GULP1: variants seen among roughly 807,000 people sequenced by gnomAD.
GULP1 encodes PTB domain-containing engulfment adapter protein 1.
A neutral mutation model predicts 40.9 loss-of-function variants in GULP1; 19 were observed. The ratio of observed to expected loss-of-function variants is 0.46; its 90% CI spans 0.32 to 0.68. The LOEUF (loss-of-function observed/expected upper bound fraction) is 0.68. GULP1 is among the 30% of genes least tolerant of loss of function. The probability of loss-of-function intolerance (pLI) is 0.03; values close to 1 mark genes in which losing one functional copy is unlikely to be tolerated. For missense variants in GULP1, 312 were observed against 362.2 expected (o/e 0.86, Z 1.12); for synonymous variants, 119 against 117.6 (o/e 1.01, Z -0.08).
Position 188,443,744 on chromosome 2 carries a change from T to C in GULP1, c.-44-33915T>C, listed in dbSNP as rs1400300107. Among the ~76,000 whole-genome samples, 3 of 150,604 alleles carry C rather than the reference T, an allele frequency of 2.0e-5. No homozygotes were observed. The East Asian group carries it at 6.0e-4, about 30-fold the overall frequency. ...CTCTGTCGCCCAGGCTGGAGTGCAA[T>C]GGCACGATCTCGGCTCACTGCCACC... On this transcript the variant is annotated intron_variant, in intron 2 of 11. Transcript: ENST00000409830.
At chr2:188,316,124 G>C (rs2039042433) in intron 1 of GULP1, among the ~76,000 whole-genome samples, 1 of 152,120 alleles carries the variant, frequency 6.6e-6, no homozygotes, top group Admixed American at 6.6e-5. Flanking sequence ...GCTCTGAATA[G>C]AATGTATAGC....
intron 9 of GULP1, among the ~76,000 whole-genome samples, 166 bp from the exon 10 acceptor site, chr2:188,584,099 A>G (rs1408945615): frequency 2.6e-5 from 4 of 152,178 alleles, no homozygotes; most frequent in African/African-American, 9.6e-5. Flanking sequence ...AATTAGTGGA[A>G]CCATATGAAA....
At chr2:188,455,082 T>C (rs1029947167) in intron 2 of GULP1, among the ~76,000 whole-genome samples, 1 of 152,118 alleles carries the variant, frequency 6.6e-6, no homozygotes, top group African/African-American at 2.4e-5. Flanking sequence ...CAGTGAGTTA[T>C]GATCATGCCA....
At chr2:188,408,755 A>G (rs918654458) in intron 2 of GULP1, among the ~76,000 whole-genome samples, 3 of 152,210 alleles carry the variant, frequency 2.0e-5, no homozygotes, top group African/African-American at 4.8e-5. Context: ...TCCATGATAG[A>G]TCATATCTTA....
intron 2 of GULP1, among the ~76,000 whole-genome samples, chr2:188,470,636 A>T (rs1010389636): frequency 6.6e-6 from 1 of 151,910 alleles, no homozygotes; most frequent in African/African-American, 2.4e-5. Flanking sequence ...TTTCAGGAAA[A>T]TTTCCAATTT....
At chr2:188,533,833 A>G (rs1688198488) in intron 6 of GULP1, among the ~76,000 whole-genome samples, 1 of 152,220 alleles carries the variant, frequency 6.6e-6, no homozygotes, top group African/African-American at 2.4e-5. Flanking sequence ...AAACAGGAAC[A>G]GGCCCTTCTC....
chr2:188,593,445 G>A (rs886336900), intron 11 of GULP1: 10 of 152,156 alleles, frequency 6.6e-5, no homozygotes, highest in African/African-American at 2.4e-4. Flanking sequence ...GTAATCTGCA[G>A]TTGTGTGTTC....
chr2:188,429,567 C>T (rs1575187441), intron 2 of GULP1, among the ~76,000 whole-genome samples: 1 of 152,184 alleles, frequency 6.6e-6, no homozygotes, highest in East Asian at 1.9e-4. Flanking sequence ...TGTGTACCTA[C>T]GGGTCAAAGC....
At chr2:188,331,909 C>A (rs1023896657) in intron 1 of GULP1, among the ~76,000 whole-genome samples, 1 of 151,912 alleles carries the variant, frequency 6.6e-6, no homozygotes, top group Admixed American at 6.6e-5. Context: ...TCTGTAATGA[C>A]TATATTGTTA....
chr2:188,338,470 A>G (rs1330767341), intron 1 of GULP1, among the ~76,000 whole-genome samples: 1 of 151,628 alleles, frequency 6.6e-6, no homozygotes, highest in Non-Finnish European at 1.5e-5. Flanking sequence ...ACACCCAGCT[A>G]ATTTCTAAGT....
chr2:188,548,029 T>C (rs1286099310), intron 7 of GULP1, among the ~76,000 whole-genome samples: 2 of 152,038 alleles, frequency 1.3e-5, no homozygotes, highest in Admixed American at 1.3e-4. Flanking sequence ...TTTTACTTTA[T>C]GGTAAAAAAA....
At chr2:188,383,722 T>C (rs2049303126) in intron 1 of GULP1, 41 bp from the exon 2 acceptor site, 1 of 152,194 alleles carries the variant, frequency 6.6e-6, no homozygotes, top group African/African-American at 2.4e-5. Flanking sequence ...AGAAATGTAA[T>C]TATTGATTAA....
At position 188,582,374 on chromosome 2, in the gene GULP1, GTGT is replaced by G. The variant is rs1411780685; in HGVS notation, c.610-1889_610-1887del. The G allele has an allele frequency of 6.4e-6, 3 of 471,306 alleles. No individual in the cohort carries two copies. In the Admixed American group the frequency reaches 7.0e-5, roughly 11 times the overall value. The allele number at this position is 471,306 out of a possible 1,614,324, so 29.2% of individuals were successfully genotyped here. A position where few individuals can be genotyped will look rare whatever the true frequency, so the allele number is the denominator to read the frequency against. On this transcript the variant is annotated intron_variant, in intron 9 of 11. Coordinates refer to ENST00000409830, the MANE Select transcript of GULP1 (RefSeq NM_016315.4). Reference sequence around the variant, plus strand: ...CAATATGTCTGATCATGAACAACATGTGTTTCAGAGATGCTCATCCTCTTTCTG... The same window carrying G: ...CAATATGTCTGATCATGAACAACATGTTCAGAGATGCTCATCCTCTTTCTG...
intron 9 of GULP1, among the ~76,000 whole-genome samples, chr2:188,583,968 C>G (rs1447264953): frequency 6.6e-6 from 1 of 152,086 alleles, no homozygotes; most frequent in Non-Finnish European, 1.5e-5. Flanking sequence ...CTATATATCC[C>G]AAAAATTCAC....
chr2:188,590,467 A>G (rs1703316426), intron 11 of GULP1: 1 of 152,214 alleles, frequency 6.6e-6, no homozygotes, highest in Non-Finnish European at 1.5e-5. Flanking sequence ...TGAACACCAT[A>G]TTGAGTTAAT....
At chr2:188,521,919 A>G (rs2065822953) in intron 4 of GULP1, among the ~76,000 whole-genome samples, 1 of 152,154 alleles carries the variant, frequency 6.6e-6, no homozygotes, top group Non-Finnish European at 1.5e-5. Context: ...TACTAAAAAT[A>G]CAAAAAATGA....
rs145981617 is a variant in GULP1, at chr2:188,377,813, A to G, written c.-171-5950A>G. On this transcript the variant is annotated intron_variant, in intron 1 of 11. Transcript: ENST00000409830. ...AAACAATATATACGCCAATTTTCCT[A>G]TTGTAATTCAATTTTCCTATTGAAT... Among the ~76,000 whole-genome samples the G allele has an allele frequency of 2.7e-3, 413 of 152,312 alleles. 1 individual carries two copies. The highest frequency in any genetic ancestry group is 9.3e-3 in the African/African-American group (388 of 41,566).
At chr2:188,460,597 T>G (rs2059623346) in intron 2 of GULP1, among the ~76,000 whole-genome samples, 1 of 152,160 alleles carries the variant, frequency 6.6e-6, no homozygotes, top group South Asian at 2.1e-4. Context: ...CATCTGCAAA[T>G]AAAAATAGTT....
chr2:188,397,777 A>G (rs540562405), intron 2 of GULP1, among the ~76,000 whole-genome samples: 66 of 152,330 alleles, frequency 4.3e-4, no homozygotes, highest in African/African-American at 1.6e-3. Flanking sequence ...GGCCACTTCC[A>G]GATTCAGCCT....
Sources: gnomAD v4.1 joint callset for allele counts (sites outside exome capture counted in the v4.1 genomes callset) on GRCh38, gnomAD v4.1.1 for gene constraint, MANE v1.5 for transcripts, NCBI Gene and HGNC (gene_info 2026-07-23, HGNC 2026-07-21) for gene names.